SLC9A9: variants seen among roughly 807,000 people sequenced by gnomAD.
SLC9A9 encodes solute carrier family 9 member A9.
A neutral mutation model predicts 77.8 loss-of-function variants in SLC9A9; 62 were observed. The observed-to-expected ratio is 0.80, with a 90% CI of 0.65 to 0.98. SLC9A9 has a LOEUF of 0.98. Ranked by LOEUF, SLC9A9 falls within the 50% of genes least tolerant of loss-of-function variation. The pLI is 0.00. For synonymous variants in SLC9A9, 320 were observed against 283.5 expected (o/e 1.13, Z -1.29); for missense variants, 775 against 774.9 (o/e 1.00, Z 0.00).
At chr3:143,286,109 G>T (rs570989122) in intron 14 of SLC9A9, among the ~76,000 whole-genome samples, 160 of 152,270 alleles carry the variant, frequency 1.1e-3, no homozygotes, top group Admixed American at 2.8e-3. Flanking sequence ...TCATGGAAAA[G>T]GTGATGGTTT....
chr3:143,838,106 A>G (rs554161881), intron 1 of SLC9A9, among the ~76,000 whole-genome samples: 2 of 152,356 alleles, frequency 1.3e-5, no homozygotes, highest in African/African-American at 4.8e-5. Flanking sequence ...AACTGAATGC[A>G]TCTTAACAGA....
At chr3:143,399,567 G>C (rs1420894736) in intron 12 of SLC9A9, among the ~76,000 whole-genome samples, 1 of 152,284 alleles carries the variant, frequency 6.6e-6, no homozygotes, top group East Asian at 1.9e-4. Context: ...GAAAAGAGTA[G>C]CAAGAATATG....
chr3:143,797,721 C>T (rs1211370940), intron 2 of SLC9A9, among the ~76,000 whole-genome samples: 1 of 152,108 alleles, frequency 6.6e-6, no homozygotes, highest in Admixed American at 6.5e-5. Flanking sequence ...CAAAAGCTCC[C>T]CCACTGAGCA....
At chr3:143,747,784 C>T (rs1288013519) in intron 4 of SLC9A9, among the ~76,000 whole-genome samples, 2 of 152,200 alleles carry the variant, frequency 1.3e-5, no homozygotes, top group South Asian at 2.1e-4. Context: ...TCATATATTT[C>T]GATTGTTTTA....
At chr3:143,817,596 TA>T (rs2009055381) in intron 2 of SLC9A9, among the ~76,000 whole-genome samples, 1 of 152,256 alleles carries the variant, frequency 6.6e-6, no homozygotes, top group South Asian at 2.1e-4. Context: ...CTTAAGTCTC[TA>T]ATCCATCTCG....
At chr3:143,401,242 C>T (rs1455216023) in intron 12 of SLC9A9, among the ~76,000 whole-genome samples, 5 of 152,112 alleles carry the variant, frequency 3.3e-5, no homozygotes, top group Admixed American at 6.6e-5. Flanking sequence ...TCTATCAAAG[C>T]CTCAGCTCCT....
chr3:143,392,668 G>A (rs2033601922), intron 12 of SLC9A9, among the ~76,000 whole-genome samples: 1 of 152,288 alleles, frequency 6.6e-6, no homozygotes, highest in Middle Eastern at 3.4e-3. Flanking sequence ...ATTGGATAAA[G>A]AGTCAAGACC....
At chr3:143,666,938 A>G (rs945844588) in intron 5 of SLC9A9, among the ~76,000 whole-genome samples, 1 of 152,222 alleles carries the variant, frequency 6.6e-6, no homozygotes, top group African/African-American at 2.4e-5. Flanking sequence ...TGCCATCCCC[A>G]TCAAGCTACC....
chr3:143,358,484 C>T (rs1269277044), intron 14 of SLC9A9, among the ~76,000 whole-genome samples: 1 of 152,098 alleles, frequency 6.6e-6, no homozygotes, highest in African/African-American at 2.4e-5. Flanking sequence ...GTTAGGCTGC[C>T]CTTTTTATTT....
intron 1 of SLC9A9, among the ~76,000 whole-genome samples, chr3:143,838,525 T>C (rs1458347659): frequency 6.6e-6 from 1 of 152,058 alleles, no homozygotes; most frequent in Non-Finnish European, 1.5e-5. Flanking sequence ...CATTTAGAGA[T>C]AATTATTTGA....
Position 143,597,553 on chromosome 3 carries a change from T to A in SLC9A9, c.756-18830A>T, listed in dbSNP as rs1165033232. ...AAAGCTGCTCAGGAGAGAGGTAGTT[T>A]AAGAAAGCTGTTGATGAGAGCTGCT... is the stretch of plus-strand genomic sequence containing the variant. On this transcript the variant is annotated intron_variant, in intron 6 of 15. Transcript: ENST00000316549. Among the ~76,000 whole-genome samples the A allele has an allele frequency of 2.0e-5, 3 of 152,174 alleles. No homozygotes were observed. The East Asian group carries it at 5.8e-4, about 29-fold the overall frequency.
intron 14 of SLC9A9, among the ~76,000 whole-genome samples, chr3:143,279,669 G>C (rs1345588229): frequency 1.3e-5 from 2 of 152,098 alleles, no homozygotes; most frequent in African/African-American, 4.8e-5. Flanking sequence ...GCGGTGTTTG[G>C]TTTTCTGTTC....
At chr3:143,816,504 A>G (rs540807500) in intron 2 of SLC9A9, among the ~76,000 whole-genome samples, 1 of 152,262 alleles carries the variant, frequency 6.6e-6, no homozygotes, top group Non-Finnish European at 1.5e-5. Flanking sequence ...ATATTAATAT[A>G]CAAGTGATCT....
intron 9 of SLC9A9, among the ~76,000 whole-genome samples, chr3:143,524,850 C>T (rs991389056): frequency 6.6e-6 from 1 of 152,170 alleles, no homozygotes; most frequent in Non-Finnish European, 1.5e-5. Context: ...AGTGAGCCTG[C>T]CTCTCCTGTT....
chr3:143,657,843 T>C (rs1384137558), intron 5 of SLC9A9, among the ~76,000 whole-genome samples: 1 of 152,180 alleles, frequency 6.6e-6, no homozygotes, highest in Non-Finnish European at 1.5e-5. Context: ...TTGTTTTAAT[T>C]TCTAATATGG....
At chr3:143,452,503 T>TAAAAAAAAAA (rs58038873) in intron 12 of SLC9A9, among the ~76,000 whole-genome samples, 11 of 108,872 alleles carry the variant, frequency 1.0e-4, no homozygotes, top group Non-Finnish European at 1.4e-4. Flanking sequence ...TTAAAAAGAC[T>TAAAAAAAAAA]AAAAAAAAAA....
At chr3:143,640,793 A>G (rs1016406177) in intron 6 of SLC9A9, among the ~76,000 whole-genome samples, 9 of 152,158 alleles carry the variant, frequency 5.9e-5, no homozygotes, top group African/African-American at 1.7e-4. Flanking sequence ...TGTAGGTTGC[A>G]GTGAGCCGAG....
chr3:143,843,450 C>T (rs530645537), intron 1 of SLC9A9, among the ~76,000 whole-genome samples: 9 of 152,332 alleles, frequency 5.9e-5, no homozygotes, highest in African/African-American at 2.2e-4. Flanking sequence ...TCCTACTTAA[C>T]TGTTAAGCAC....
chr3:143,621,835 C>T (rs555265886), intron 6 of SLC9A9, among the ~76,000 whole-genome samples: 2 of 152,022 alleles, frequency 1.3e-5, no homozygotes, highest in South Asian at 2.1e-4. Flanking sequence ...GGAGAAAGTT[C>T]GAACCCATGG....
Sources: allele counts gnomAD v4.1 joint callset (sites outside exome capture counted in the v4.1 genomes callset), GRCh38; gene constraint gnomAD v4.1.1; transcripts MANE v1.5; gene names NCBI Gene and HGNC (gene_info 2026-07-23, HGNC 2026-07-21).